The following RNF213 variants were observed in gnomAD, a reference collection of about 807,000 sequenced individuals.
RNF213 encodes E3 ubiquitin-protein ligase RNF213.
In RNF213, 341 loss-of-function variants were observed where a neutral mutation model predicts 514.4. That is an observed-to-expected ratio of 0.66 (90% CI 0.61 to 0.73). RNF213 has a LOEUF of 0.73. Ranked by LOEUF, RNF213 falls within the 30% of genes least tolerant of loss-of-function variation. The pLI, the probability that RNF213 is intolerant of heterozygous loss-of-function variation, is 0.00. For missense variants in RNF213, 5,767 were observed against 6,615.6 expected (o/e 0.87, Z 4.45); for synonymous variants, 2,655 against 2,658.2 (o/e 1.00, Z 0.04).
Position 80,377,682 on chromosome 17 carries a change from T to C in RNF213, c.13511-80T>C, listed in dbSNP as rs1568158447. The C allele has an allele frequency of 6.7e-7, 1 of 1,501,698 alleles. No homozygotes were observed. Among genetic ancestry groups the C allele is most frequent in the East Asian group, 2.3e-5 (1 of 44,348 alleles). The allele number at this position is 1,501,698 out of a possible 1,614,324, so 93.0% of individuals were successfully genotyped here. A position where few individuals can be genotyped will look rare whatever the true frequency, so the allele number is the denominator to read the frequency against. Reference sequence around the variant, plus strand: ...TCATATTGTGGTCAGGGCCAGAGAGTAGAGAGTTAGCTTTCCCTTTTCAAT... The same window carrying C: ...TCATATTGTGGTCAGGGCCAGAGAGCAGAGAGTTAGCTTTCCCTTTTCAAT... On this transcript the variant is annotated intron_variant, in intron 53 of 67. Transcript: ENST00000582970. The surrounding 1 kb of genome is among the most constrained non-coding windows in gnomAD (Gnocchi z 4.1).
At chr17:80,270,092 C>T (rs1382930354) in intron 2 of RNF213, among the ~76,000 whole-genome samples, 3 of 151,976 alleles carry the variant, frequency 2.0e-5, no homozygotes, top group Admixed American at 2.0e-4. Context: ...TAGACATCTC[C>T]TCTGCGTGAA....
rs148712925 is a variant in RNF213, at chr17:80,346,281, G to A, written c.7946G>A (p.Arg2649Lys). Residue 2649 changes from arginine (R) to lysine (K), a missense_variant, in exon 29 of 68, where the codon AGG becomes AAG. By Grantham distance (26) the Arg-to-Lys change is conservative. Around this residue, in one of 13 missense-constraint regions of RNF213, gnomAD observed 1,377 missense variants for 1,635.2 expected, o/e 0.84. Coordinates refer to ENST00000582970, the MANE Select transcript of RNF213 (RefSeq NM_001256071.3). The surrounding 1 kb of genome is among the most constrained non-coding windows in gnomAD (Gnocchi z 8.1). ...GTGGAGCGCTGTGTGAAAGTTTTCAGGTGGTTCCACGAGCACAGCGCGATG... is the reference window on the plus strand; with the variant it reads ...GTGGAGCGCTGTGTGAAAGTTTTCAAGTGGTTCCACGAGCACAGCGCGATG... ...RDVERCVKVF[R>K]WFHEHSAMLL... 1 of 1,614,144 alleles carries A rather than the reference G, an allele frequency of 6.2e-7. No homozygotes were observed. Among genetic ancestry groups the A allele is most frequent in the African/African-American group, 1.3e-5 (1 of 75,032 alleles).
At chr17:80,270,327 C>T (rs751199091) in intron 2 of RNF213, among the ~76,000 whole-genome samples, 45 of 152,360 alleles carry the variant, frequency 3.0e-4, no homozygotes, top group Admixed American at 6.5e-4. Flanking sequence ...CATGCTTGCA[C>T]GGAGACCTTG....
At position 80,377,215 on chromosome 17, in the gene RNF213, T is replaced by C; in HGVS notation, c.13510+252T>C. The C allele has an allele frequency of 1.9e-6, 1 of 518,172 alleles. No homozygotes were observed. The highest frequency in any genetic ancestry group is 3.5e-6 in the Non-Finnish European group (1 of 285,696). 32.1% of individuals were successfully genotyped at this position (518,172 alleles called of 1,614,324 possible). ...CCCTCTGTGATGCACTTCTGTTCTC[T>C]GGAATATGCCATTTTGGGAGAAGGG... is the stretch of plus-strand genomic sequence containing the variant. On this transcript the variant is annotated intron_variant, in intron 53 of 67. Transcript: ENST00000582970. This position sits in a 1 kb window ranked among gnomAD's most constrained non-coding sequence, Gnocchi z 4.1.
At position 80,393,734 on chromosome 17, in the gene RNF213, T is replaced by C. The variant is rs899810774; in HGVS notation, c.*236T>C. The C allele has an allele frequency of 1.8e-5, 9 of 507,630 alleles. No homozygotes were observed. Among genetic ancestry groups the C allele is most frequent in the South Asian group, 4.2e-5 (2 of 47,844 alleles). The allele number at this position is 507,630 out of a possible 1,614,324, so 31.4% of individuals were successfully genotyped here. On this transcript the variant is annotated 3_prime_UTR_variant, in exon 68 of 68. Transcript: ENST00000582970. ...CTTTCTCATCATTTTATGAGTACTG[T>C]TCATTGAGAGATGACAATGAAGATT... is the stretch of plus-strand genomic sequence containing the variant.
chr17:80,325,338 A>G, intron 18 of RNF213, 140 bp downstream of exon 18: 1 of 829,360 alleles, frequency 1.2e-6, no homozygotes, highest in Non-Finnish European at 1.8e-6. Context: ...CAGTTTGGAC[A>G]GAGAGACCCT....
At chr17:80,350,537 C>T (rs2078470901) in intron 31 of RNF213, 141 bp downstream of exon 31, 4 of 670,444 alleles carry the variant, frequency 6.0e-6, no homozygotes, top group East Asian at 2.7e-5. Flanking sequence ...GCCTCATTCC[C>T]CCAAGTGGGA....
chr17:80,372,636 C>T lies in RNF213; in HGVS notation c.12653C>T (p.Ala4218Val), dbSNP rs907287285. 2.5e-6 allele frequency: 4 copies of T among 1,613,946 alleles called. No individual in the cohort carries two copies. Among genetic ancestry groups the T allele is most frequent in the African/African-American group, 1.3e-5 (1 of 74,900 alleles). Residue 4218 changes from alanine (A) to valine (V), a missense_variant, in exon 48 of 68, where the codon GCC (alanine) becomes GTC (valine). Ala to Val is a moderately conservative substitution (Grantham distance 64, BLOSUM62 0). Coordinates refer to ENST00000582970, the MANE Select transcript of RNF213 (RefSeq NM_001256071.3). ...CCAGCAAGCCGGGGCCGAGAGCCTG[C>T]CAACGAGGCCTCGGTTGAATACCTG... ...YSPASRGREP[A>V]NEASVEYLQE...
At position 80,352,925 on chromosome 17, in the gene RNF213, C is replaced by T; in HGVS notation, c.10304-15C>T. The T allele has an allele frequency of 6.2e-7, 1 of 1,613,982 alleles. No individual in the cohort carries two copies. Among genetic ancestry groups the T allele is most frequent in the African/African-American group, 1.3e-5 (1 of 75,048 alleles). On this transcript the variant is annotated splice_polypyrimidine_tract_variant and intron_variant, in intron 32 of 67. Transcript: ENST00000582970. Reference sequence around the variant, plus strand: ...AAGACACAAAGACAGTTGTGGGTGGCTTCACTCTTCACAGGGCTGTGGCAG... The same window carrying T: ...AAGACACAAAGACAGTTGTGGGTGGTTTCACTCTTCACAGGGCTGTGGCAG...
chr17:80,365,580 CGT>C lies in RNF213; in HGVS notation c.11871+1030_11871+1031del, dbSNP rs371937334. 6.5e-3 allele frequency among the ~76,000 whole-genome samples: 994 copies of C among 152,130 alleles called. 13 individuals carry two copies. The highest frequency in any genetic ancestry group is 0.023 in the African/African-American group (939 of 41,438). On this transcript the variant is annotated intron_variant, in intron 42 of 67. Transcript: ENST00000582970. ...CGGACACGCACACGCCACACCAGCT[CGT>C]GTCTCGTGGTCCTAAACTTAGGCAC...
At chr17:80,369,398 CAAAAA>C in intron 44 of RNF213, 99 bp from the exon 45 acceptor site, 7 of 930,764 alleles carry the variant, frequency 7.5e-6, no homozygotes, top group East Asian at 2.6e-5. Context: ...AACTCCGTCT[CAAAAA>C]AAAAAAAAAA....
intron 28 of RNF213, 147 bp downstream of exon 28, chr17:80,344,162 C>A: frequency 1.3e-6 from 1 of 792,758 alleles, no homozygotes; most frequent in Non-Finnish European, 2.0e-6. Flanking sequence ...AAGAAAAGCC[C>A]ATCTTTAAAC....
At chr17:80,287,224 G>A (rs2044504364) in intron 3 of RNF213, among the ~76,000 whole-genome samples, 1 of 152,096 alleles carries the variant, frequency 6.6e-6, no homozygotes, top group Non-Finnish European at 1.5e-5. Context: ...AGCTGGGAAT[G>A]GTGGTTCGCG....
At position 80,396,759 on chromosome 17, in the gene RNF213, T is replaced by C. The variant is rs2080674420; in HGVS notation, c.*3261T>C. On this transcript the variant is annotated 3_prime_UTR_variant, in exon 68 of 68. Coordinates refer to ENST00000582970, the MANE Select transcript of RNF213 (RefSeq NM_001256071.3). ...ACCCCCCCCCCCCAACCAGAGCAAC[T>C]TTGGTCAGAAGTCACACCTAATCAC... The C allele has an allele frequency of 9.6e-6, 1 of 104,692 alleles. No individual in the cohort carries two copies. Among genetic ancestry groups the C allele is most frequent in the African/African-American group, 3.7e-5 (1 of 26,926 alleles). The allele number at this position is 104,692 out of a possible 1,614,324, so 6.5% of individuals were successfully genotyped here.
rs2078352327 is a variant in RNF213, at chr17:80,347,498, C to G, written c.9163C>G (p.Leu3055Val). The G allele has an allele frequency of 1.2e-6, 2 of 1,613,974 alleles. No individual in the cohort carries two copies. Among genetic ancestry groups the G allele is most frequent in the East Asian group, 2.2e-5 (1 of 44,896 alleles). ...CAAAAACTACGTGGCACTGCAGATC[C>G]TGCAGCAGACATTCTTCGAGGGGGA... ...LTKNYVALQI[L>V]QQTFFEGDQQ... Residue 3055 changes from leucine to valine, a missense_variant, in exon 29 of 68, where the codon CTG (leucine) becomes GTG (valine). Coordinates refer to ENST00000582970, the MANE Select transcript of RNF213 (RefSeq NM_001256071.3). The surrounding 1 kb of genome is among the most constrained non-coding windows in gnomAD (Gnocchi z 7.2).
At chr17:80,328,757 C>G (rs1169292934) in intron 20 of RNF213, among the ~76,000 whole-genome samples, 1 of 152,124 alleles carries the variant, frequency 6.6e-6, no homozygotes, top group Non-Finnish European at 1.5e-5. Context: ...GGCTTAGAGC[C>G]ACACATTTCT....
rs1003417589 is a variant in RNF213 at position 80,382,822 on chromosome 17, A to C, written c.13979-157A>C. On this transcript the variant is annotated intron_variant, in intron 57 of 67. Transcript: ENST00000582970. The stretch of plus-strand genomic sequence containing the variant: ...TCAAAAGGTCATTAAGTTGGTGGTA[A>C]CAACAGGAACTACTTCAAAATACTT... The C allele has an allele frequency of 4.8e-6, 3 of 628,984 alleles. No homozygotes were observed. The African/African-American group carries it at 5.5e-5, about 12-fold the overall frequency. The allele number at this position is 628,984 out of a possible 1,614,324, so 39.0% of individuals were successfully genotyped here.
chr17:80,390,165 C>T lies in RNF213; in HGVS notation c.15439C>T (p.Gln5147Ter), dbSNP rs1481964050. 8 of 1,614,188 alleles carry T rather than the reference C, an allele frequency of 5.0e-6. 1 individual carries two copies. In the East Asian group the frequency reaches 1.8e-4, roughly 36 times the overall value. Residue 5147 changes from glutamine (Q) to a stop codon, truncating the protein, a stop_gained, in exon 67 of 68, where the codon CAA becomes TAA. Transcript: ENST00000582970. LOFTEE classifies it low-confidence loss of function (END_TRUNC). ...CTTGAAACTAAAGAACCCCCAAACCCAAACCGAGGAGCGCTTCCGCCCTCA... is the reference window on the plus strand; with the variant it reads ...CTTGAAACTAAAGAACCCCCAAACCTAAACCGAGGAGCGCTTCCGCCCTCA... ...IILKLKNPQT[Q>*]TEERFRPQWS...
chr17:80,392,015 G>A (rs556447896), intron 67 of RNF213, among the ~76,000 whole-genome samples: 7 of 151,978 alleles, frequency 4.6e-5, no homozygotes, highest in Admixed American at 1.3e-4. Flanking sequence ...TGATCTGCCC[G>A]TCTCGGCCTC....
Sources: allele counts gnomAD v4.1 joint callset (sites outside exome capture counted in the v4.1 genomes callset), GRCh38; gene constraint gnomAD v4.1.1; regional missense constraint gnomAD v4.1.1; non-coding constraint Gnocchi (gnomAD v3.1); transcripts MANE v1.5; gene names NCBI Gene and HGNC (gene_info 2026-07-23, HGNC 2026-07-21).